The following SLC23A1 variants were observed in gnomAD, a reference collection of about 807,000 sequenced individuals.
The protein encoded by SLC23A1 is solute carrier family 23 member 1, also known as Na(+)/L-ascorbic acid transporter 1.
In SLC23A1, 31 loss-of-function variants were observed where a neutral mutation model predicts 62.5. The observed-to-expected ratio is 0.50, with a 90% CI of 0.37 to 0.67. SLC23A1 has a LOEUF of 0.67. SLC23A1 is among the 30% of genes least tolerant of loss of function. The pLI is 0.00. For synonymous variants in SLC23A1, 271 were observed against 313.2 expected, an observed-to-expected ratio of 0.87 and a Z score of 1.42; for missense variants, 640 against 782.7, an observed-to-expected ratio of 0.82 and a Z score of 2.18.
chr5:139,375,827 C>T (rs1337325202), intron 13 of SLC23A1, among the ~76,000 whole-genome samples: 1 of 73,514 alleles, frequency 1.4e-5, no homozygotes, highest in African/African-American at 4.3e-5. Context: ...AAGAGCAAGA[C>T]TCCATCTCAA....
At chr5:139,371,156 C>A (rs936602926) in intron 14 of SLC23A1, among the ~76,000 whole-genome samples, 1 of 152,168 alleles carries the variant, frequency 6.6e-6, no homozygotes, top group Non-Finnish European at 1.5e-5. Flanking sequence ...ATCACTTAAC[C>A]TTTCTGTACC....
chr5:139,383,399 C>T (rs1024168745), upstream of SLC23A1: 17 of 1,458,466 alleles, frequency 1.2e-5, no homozygotes, highest in South Asian at 1.8e-4. Flanking sequence ...GAAAGGGGGG[C>T]CCGGGCAGAG....
Position 139,380,235 on chromosome 5 carries a change from G to A in SLC23A1, c.620C>T (p.Ala207Val), listed in dbSNP as rs752748737. The change falls in exon 6 of 15, where the codon GCT becomes GTT. Residue 207 changes from alanine (A) to valine (V), a missense_variant. By Grantham distance (64) the Ala-to-Val change is moderately conservative. Transcript: ENST00000348729. ...AGCTGAGATGCCCCAGTGGGAGCCA[G>A]CTCGGTCGCCAGCAGCTTGGAAGAC... Reference protein sequence around the residue: ...LSVFQAAGDRAGSHWGISACS... With the variant: ...LSVFQAAGDRVGSHWGISACS... 1.9e-6 allele frequency: 3 copies of A among 1,563,006 alleles called. No individual in the cohort carries two copies. The highest frequency in any genetic ancestry group is 1.7e-6 in the Non-Finnish European group (2 of 1,153,532).
chr5:139,368,627 CTTTTGTCTTTTT>C, intron 14 of SLC23A1: 1 of 771,204 alleles, frequency 1.3e-6, no homozygotes, highest in Non-Finnish European at 2.2e-6. Flanking sequence ...AGACTGAGTT[CTTTTGTCTTTTT>C]TTTTTTGGAA....
intron 12 of SLC23A1, 97 bp from the exon 13 acceptor site, chr5:139,377,594 C>G (rs1211609126): frequency 5.5e-6 from 4 of 733,804 alleles, no homozygotes; most frequent in Non-Finnish European, 9.8e-6. Context: ...AGGAACAGTA[C>G]AAAGCCCTGT....
chr5:139,369,881 T>C (rs1757547098), intron 14 of SLC23A1, among the ~76,000 whole-genome samples: 1 of 152,152 alleles, frequency 6.6e-6, no homozygotes, highest in South Asian at 2.1e-4. Flanking sequence ...TTCCAGAATA[T>C]AGCAGTAGAA....
chr5:139,373,255 G>A (rs1757775915), intron 13 of SLC23A1, among the ~76,000 whole-genome samples: 1 of 150,734 alleles, frequency 6.6e-6, no homozygotes, highest in Admixed American at 6.6e-5. Context: ...TCGGTTCACT[G>A]CAACCTCTGC....
intron 13 of SLC23A1, among the ~76,000 whole-genome samples, chr5:139,372,934 C>G (rs956963388): frequency 1.3e-5 from 2 of 152,034 alleles, no homozygotes; most frequent in African/African-American, 4.8e-5. Context: ...TAATTGTGAA[C>G]CTAAATCTGT....
In SLC23A1 at chr5:139,382,727, C is replaced by G; in HGVS notation, c.37-122G>C. On this transcript the variant is annotated intron_variant, in intron 1 of 14. Transcript: ENST00000348729. ...CAGCAACTGAGAGCGGGGTTCCCGCCCTCCCCAACAGTCCATCCACCCGGG... is the reference window on the plus strand; with the variant it reads ...CAGCAACTGAGAGCGGGGTTCCCGCGCTCCCCAACAGTCCATCCACCCGGG... The G allele has an allele frequency of 4.5e-6, 3 of 665,162 alleles. 1 individual carries two copies. In the South Asian group the frequency reaches 5.2e-5, roughly 11 times the overall value. The allele number at this position is 665,162 out of a possible 1,614,324, so 41.2% of individuals were successfully genotyped here. A position where few individuals can be genotyped will look rare whatever the true frequency, so the allele number is the denominator to read the frequency against.
At chr5:139,370,463 A>G (rs1165682277) in intron 14 of SLC23A1, among the ~76,000 whole-genome samples, 2 of 138,778 alleles carry the variant, frequency 1.4e-5, no homozygotes, top group Admixed American at 7.5e-5. Context: ...GAGCCACCGC[A>G]CCCAGCCTTT....
rs760745876 is a variant in SLC23A1 at position 139,377,455 on chromosome 5, G to A, written c.1496C>T (p.Thr499Met). ...VDQILIVLLT[T>M]EMFVGGCLAF... The stretch of plus-strand genomic sequence containing the variant: ...AAGGCACCCGCCCACAAACATCTCC[G>A]TGGTCAGCAGCACAATCAGAATCTG... The change falls in exon 13 of 15, where the codon ACG (threonine) becomes ATG (methionine). Residue 499 changes from threonine (T) to methionine (M), a missense_variant. Transcript: ENST00000348729. 9 of 1,611,832 alleles carry A rather than the reference G, an allele frequency of 5.6e-6. 1 individual carries two copies. Among genetic ancestry groups the A allele is most frequent in the South Asian group, 3.3e-5 (3 of 91,024 alleles).
intron 2 of SLC23A1, 180 bp from the exon 3 acceptor site, chr5:139,382,229 T>C (rs1321357217): frequency 3.2e-6 from 2 of 630,896 alleles, no homozygotes; most frequent in Non-Finnish European, 5.5e-6. Context: ...GGTCACTAAT[T>C]TCCACTCAAG....
At chr5:139,371,168 T>C (rs1352471148) in intron 14 of SLC23A1, among the ~76,000 whole-genome samples, 1 of 152,190 alleles carries the variant, frequency 6.6e-6, no homozygotes, top group African/African-American at 2.4e-5. Flanking sequence ...TTCTGTACCT[T>C]CCTTTCCACA....
chr5:139,382,072 G>C (rs1282401377), intron 2 of SLC23A1, 23 bp from the exon 3 acceptor site: 6 of 1,598,364 alleles, frequency 3.8e-6, no homozygotes, highest in African/African-American at 1.3e-5. Context: ...AGACAGCAGA[G>C]TGCATGAGGC....
chr5:139,380,281 C>CA lies in SLC23A1; in HGVS notation c.573dup (p.Val192CysfsTer104), dbSNP rs759655751. 6.3e-7 allele frequency: 1 copy of CA among 1,590,674 alleles called. No individual in the cohort carries two copies. Among genetic ancestry groups the CA allele is most frequent in the Non-Finnish European group, 8.6e-7 (1 of 1,168,542 alleles). Reference sequence around the variant, plus strand: ...AAGACAGAAAGGCCAATGAGGGAGACAGTGGGGGTGACTGTGAGAGGCCCA... The same window carrying CA: ...AAGACAGAAAGGCCAATGAGGGAGACAAGTGGGGGTGACTGTGAGAGGCCCA... On this transcript the variant is annotated frameshift_variant, in exon 6 of 15. Transcript: ENST00000348729. LOFTEE classifies it high-confidence loss of function.
At chr5:139,383,720 A>C (rs1758399673), upstream of SLC23A1, among the ~76,000 whole-genome samples, 1 of 152,244 alleles carries the variant, frequency 6.6e-6, no homozygotes, top group Non-Finnish European at 1.5e-5. Context: ...TGTGCCAAGA[A>C]ACATGGATCT....
At chr5:139,376,992 G>A (rs1033996303) in intron 13 of SLC23A1, among the ~76,000 whole-genome samples, 1 of 152,028 alleles carries the variant, frequency 6.6e-6, no homozygotes, top group Non-Finnish European at 1.5e-5. Flanking sequence ...CGTGGTGGCA[G>A]CCACCTGTAG....
chr5:139,376,959 CA>C (rs1757976874), intron 13 of SLC23A1, among the ~76,000 whole-genome samples: 1 of 151,934 alleles, frequency 6.6e-6, no homozygotes, highest in Non-Finnish European at 1.5e-5. Context: ...CCATCTCTAC[CA>C]AAAATATGAA....
chr5:139,375,311 C>G (rs116215683), intron 13 of SLC23A1, among the ~76,000 whole-genome samples: 1 of 152,234 alleles, frequency 6.6e-6, no homozygotes, highest in African/African-American at 2.4e-5. Context: ...CCAGCAGAGG[C>G]AGTATGGTGC....
Sources: gnomAD v4.1 joint callset for allele counts (sites outside exome capture counted in the v4.1 genomes callset) on GRCh38, gnomAD v4.1.1 for gene constraint, MANE v1.5 for transcripts, NCBI Gene and HGNC (gene_info 2026-07-23, HGNC 2026-07-21) for gene names.